The following TUSC3 variants were observed in gnomAD, a reference collection of about 807,000 sequenced individuals.
TUSC3 encodes the protein dolichyl-diphosphooligosaccharide--protein glycosyltransferase subunit TUSC3.
In TUSC3, 45 loss-of-function variants were observed where a neutral mutation model predicts 44.8. The observed-to-expected ratio is 1.00, with a 90% CI of 0.79 to 1.29. TUSC3 has a LOEUF of 1.29. TUSC3 is among the 50% of genes most tolerant of loss of function. TUSC3 has a pLI of 0.00. For synonymous variants in TUSC3, 212 were observed against 152.9 expected, an observed-to-expected ratio of 1.39 and a Z score of -2.85; for missense variants, 519 against 437.9, an observed-to-expected ratio of 1.19 and a Z score of -1.65.
At chr8:15,561,296 G>A (rs1433947569) in intron 1 of TUSC3, among the ~76,000 whole-genome samples, 4 of 148,260 alleles carry the variant, frequency 2.7e-5, no homozygotes, top group East Asian at 2.0e-4. Flanking sequence ...GCTGGGGGGT[G>A]CCTCCCAGTT....
the TUSC3 span, among the ~76,000 whole-genome samples, chr8:15,820,171 C>G: frequency 6.6e-6 from 1 of 152,100 alleles, no homozygotes; most frequent in African/African-American, 2.4e-5. Context: ...TTCTGATTGA[C>G]TGATAAATGA....
intron 7 of TUSC3, among the ~76,000 whole-genome samples, chr8:15,734,899 AG>A (rs1279830705): frequency 1.3e-5 from 2 of 152,210 alleles, no homozygotes; most frequent in African/African-American, 2.4e-5. Flanking sequence ...GATTGGTGAA[AG>A]TTAGGTTAGG....
At chr8:15,594,621 C>A (rs759316088) in intron 1 of TUSC3, among the ~76,000 whole-genome samples, 1 of 151,954 alleles carries the variant, frequency 6.6e-6, no homozygotes, top group Non-Finnish European at 1.5e-5. Context: ...TAATTATTCC[C>A]TACTATTGCC....
At chr8:15,429,178 T>A (rs1244593554) in intron 1 of TUSC3, among the ~76,000 whole-genome samples, 2 of 152,182 alleles carry the variant, frequency 1.3e-5, no homozygotes, top group Non-Finnish European at 2.9e-5. Flanking sequence ...AGTTTCAGCT[T>A]TCTACATATG....
intron 1 of TUSC3, among the ~76,000 whole-genome samples, chr8:15,615,560 G>C (rs1804951005): frequency 6.6e-6 from 1 of 152,110 alleles, no homozygotes; most frequent in Admixed American, 6.6e-5. Context: ...AAGCAGTGTA[G>C]GGTGAATATA....
chr8:15,535,915 C>CG (rs538370981), upstream of TUSC3, among the ~76,000 whole-genome samples: 70 of 152,266 alleles, frequency 4.6e-4, no homozygotes, highest in African/African-American at 1.6e-3. Context: ...TCGTGGCCTG[C>CG]GGGTTGCATG....
chr8:15,501,109 G>C (rs1800958763), intron 2 of TUSC3, among the ~76,000 whole-genome samples: 1 of 152,074 alleles, frequency 6.6e-6, no homozygotes. Context: ...TTGGCCCCTA[G>C]CATCTCCTTA....
At chr8:15,499,872 A>G (rs898687666) in intron 2 of TUSC3, among the ~76,000 whole-genome samples, 4 of 152,168 alleles carry the variant, frequency 2.6e-5, no homozygotes, top group African/African-American at 7.2e-5. Flanking sequence ...CTCATTTTAC[A>G]TACATACATA....
intron 2 of TUSC3, among the ~76,000 whole-genome samples, chr8:15,529,755 A>G (rs1250477355): frequency 6.7e-6 from 1 of 148,250 alleles, no homozygotes; most frequent in Non-Finnish European, 1.5e-5. Flanking sequence ...TGTAGAATAC[A>G]GGTTGCCATA....
chr8:15,617,293 C>G (rs1053475563), intron 1 of TUSC3, among the ~76,000 whole-genome samples: 1 of 151,830 alleles, frequency 6.6e-6, no homozygotes, highest in Non-Finnish European at 1.5e-5. Context: ...GTTCGTGCCA[C>G]CACGCCTGGC....
intron 1 of TUSC3, among the ~76,000 whole-genome samples, chr8:15,464,245 G>A (rs1800386499): frequency 1.3e-5 from 2 of 152,174 alleles, no homozygotes; most frequent in Admixed American, 6.5e-5. Context: ...GGATGGTTCT[G>A]CTTACTGGTT....
intron 1 of TUSC3, among the ~76,000 whole-genome samples, chr8:15,464,480 T>G (rs2129122215): frequency 6.6e-6 from 1 of 152,314 alleles, no homozygotes; most frequent in African/African-American, 2.4e-5. Flanking sequence ...GAGAAAAACC[T>G]TTGCTTTCAT....
At chr8:15,681,452 T>A (rs1379378158) in intron 6 of TUSC3, among the ~76,000 whole-genome samples, 4 of 151,904 alleles carry the variant, frequency 2.6e-5, no homozygotes, top group Non-Finnish European at 5.9e-5. Flanking sequence ...TTTCTAGTTT[T>A]TGTGCAACAA....
intron 9 of TUSC3, among the ~76,000 whole-genome samples, chr8:15,749,595 C>A (rs1403207158): frequency 2.6e-5 from 4 of 152,014 alleles, no homozygotes; most frequent in Admixed American, 2.0e-4. Flanking sequence ...GTTCTGAGGG[C>A]AGCAAGGGTT....
chr8:15,468,939 A>T lies in TUSC3; in HGVS notation n.92-14447A>T, dbSNP rs534971211. On this transcript the variant is annotated intron_variant and non_coding_transcript_variant, in intron 1 of 5. Coordinates refer to the TUSC3 transcript ENST00000503191. Reference sequence around the variant, plus strand: ...ATTAAAAAAAAAAACCCAGGTGCTGACTTAAAAATAATGAGGGAGGCAGAT... The same window carrying T: ...ATTAAAAAAAAAAACCCAGGTGCTGTCTTAAAAATAATGAGGGAGGCAGAT... Among the ~76,000 whole-genome samples, 22 of 151,970 alleles carry T rather than the reference A, an allele frequency of 1.4e-4. 1 individual carries two copies. The highest frequency in any genetic ancestry group is 5.1e-4 in the African/African-American group (21 of 41,512).
chr8:15,531,762 C>T lies in TUSC3; in HGVS notation n.189+48279C>T, dbSNP rs76347308. 5.3e-5 allele frequency among the ~76,000 whole-genome samples: 8 copies of T among 152,204 alleles called. 1 individual carries two copies. The highest frequency in any genetic ancestry group is 4.6e-4 in the Admixed American group (7 of 15,278). ...GCTATGTAACTTGGATACCTTCTGC[C>T]TGTAACATTTCCTCCATGTTTTCTC... On this transcript the variant is annotated intron_variant and non_coding_transcript_variant, in intron 2 of 5. Coordinates refer to the TUSC3 transcript ENST00000503191.
At chr8:15,709,324 G>T (rs1251584576) in intron 6 of TUSC3, among the ~76,000 whole-genome samples, 1 of 151,918 alleles carries the variant, frequency 6.6e-6, no homozygotes, top group Non-Finnish European at 1.5e-5. Context: ...TTGGAGGAAT[G>T]CCAATCTGAA....
chr8:15,659,818 G>C (rs1807338783), intron 4 of TUSC3, among the ~76,000 whole-genome samples, 171 bp downstream of exon 4: 2 of 152,184 alleles, frequency 1.3e-5, no homozygotes, highest in South Asian at 4.1e-4. Context: ...GCTGAATTCA[G>C]ATGCTTTTTA....
At chr8:15,706,422 A>G (rs897755405) in intron 6 of TUSC3, among the ~76,000 whole-genome samples, 2 of 152,044 alleles carry the variant, frequency 1.3e-5, no homozygotes, top group Non-Finnish European at 2.9e-5. Flanking sequence ...ATCCAATTCC[A>G]TGTTAAAATA....
Sources: allele counts gnomAD v4.1 joint callset (sites outside exome capture counted in the v4.1 genomes callset), GRCh38; gene constraint gnomAD v4.1.1; transcripts MANE v1.5; gene names NCBI Gene and HGNC (gene_info 2026-07-23, HGNC 2026-07-21).